The following SLCO6A1 variants were observed in gnomAD, a reference collection of about 807,000 sequenced individuals.
SLCO6A1 encodes cancer/testis antigen 48.
Under a neutral mutation model 72.7 loss-of-function variants are expected in SLCO6A1, and 65 were observed. The observed-to-expected ratio is 0.89, with a 90% CI of 0.73 to 1.10. SLCO6A1 has a LOEUF of 1.10. SLCO6A1 is among the 50% of genes least tolerant of loss of function. SLCO6A1 has a pLI of 0.00. For synonymous variants in SLCO6A1, 314 were observed against 298.2 expected, an observed-to-expected ratio of 1.05 and a Z score of -0.55; for missense variants, 874 against 872.6, an observed-to-expected ratio of 1.00 and a Z score of -0.02.
intron 1 of SLCO6A1, among the ~76,000 whole-genome samples, chr5:102,497,375 G>A (rs1288106687): frequency 6.6e-6 from 1 of 152,140 alleles, no homozygotes; most frequent in Non-Finnish European, 1.5e-5. Flanking sequence ...CATAGACACC[G>A]TTTTCAACTT....
At chr5:102,438,816 A>G in intron 6 of SLCO6A1, 55 bp from the exon 7 acceptor site, 15 of 1,299,118 alleles carry the variant, frequency 1.2e-5, no homozygotes, top group Non-Finnish European at 1.5e-5. Context: ...ATAAAGAGGA[A>G]TAGACAGAAC....
chr5:102,490,917 G>A (rs1752645593), intron 1 of SLCO6A1, among the ~76,000 whole-genome samples: 1 of 152,082 alleles, frequency 6.6e-6, no homozygotes, highest in Non-Finnish European at 1.5e-5. Flanking sequence ...GCGGACTCAG[G>A]GGGTTGCCAC....
At position 102,463,975 on chromosome 5, in the gene SLCO6A1, T is replaced by A. The variant is rs7715038; in HGVS notation, c.900-4198A>T. ...AACTGCGCATGTTCTCACTCATTAG[T>A]GGGAGCTAAGCTATGAGCATGTAAA... On this transcript the variant is annotated intron_variant, in intron 4 of 13. Coordinates refer to ENST00000506729, the MANE Select transcript of SLCO6A1 (RefSeq NM_173488.5). 3.1e-3 allele frequency among the ~76,000 whole-genome samples: 465 copies of A among 151,048 alleles called. 3 individuals carry two copies. Among genetic ancestry groups the A allele is most frequent in the African/African-American group, 0.011 (450 of 41,140 alleles).
rs1364638937 is a variant in SLCO6A1 at position 102,372,075 on chromosome 5, T to C, written c.*64A>G. 1.3e-5 allele frequency: 2 copies of C among 152,040 alleles called. No individual in the cohort carries two copies. Among genetic ancestry groups the C allele is most frequent in the East Asian group, 3.8e-4 (2 of 5,204 alleles). The allele number at this position is 152,040 out of a possible 1,614,324, so 9.4% of individuals were successfully genotyped here. A position where few individuals can be genotyped will look rare whatever the true frequency, so the allele number is the denominator to read the frequency against. Reference sequence around the variant, plus strand: ...ACAGAAACAAATCTTGGAGAATCTGTAAAAGAGAAACTCGTTTTCACACTC... The same window carrying C: ...ACAGAAACAAATCTTGGAGAATCTGCAAAAGAGAAACTCGTTTTCACACTC... On this transcript the variant is annotated 3_prime_UTR_variant, in exon 14 of 14. Coordinates refer to ENST00000506729, the MANE Select transcript of SLCO6A1 (RefSeq NM_173488.5).
chr5:102,436,722 C>T (rs865936369), intron 7 of SLCO6A1, among the ~76,000 whole-genome samples: 12 of 152,124 alleles, frequency 7.9e-5, no homozygotes, highest in Non-Finnish European at 4.4e-5. Flanking sequence ...TTCAGAAACA[C>T]CTGCTGTTGT....
intron 12 of SLCO6A1, among the ~76,000 whole-genome samples, chr5:102,385,476 A>C (rs1746361619): frequency 6.6e-6 from 1 of 152,096 alleles, no homozygotes; most frequent in African/African-American, 2.4e-5. Flanking sequence ...TAATTCCAAT[A>C]GGCTTTCTTC....
intron 4 of SLCO6A1, among the ~76,000 whole-genome samples, chr5:102,464,775 G>T (rs887817779): frequency 6.6e-6 from 1 of 152,176 alleles, no homozygotes; most frequent in East Asian, 1.9e-4. Context: ...CCAGATTTAA[G>T]TTTCCTGATG....
At chr5:102,452,736 A>T (rs1750486718) in intron 6 of SLCO6A1, among the ~76,000 whole-genome samples, 3 of 152,188 alleles carry the variant, frequency 2.0e-5, no homozygotes, top group African/African-American at 7.2e-5. Context: ...TCACTTTATA[A>T]AAATTCATTA....
At chr5:102,484,300 G>A (rs938658751) in intron 1 of SLCO6A1, among the ~76,000 whole-genome samples, 5 of 152,144 alleles carry the variant, frequency 3.3e-5, no homozygotes, top group African/African-American at 1.2e-4. Context: ...GGGTTCGTTA[G>A]TTTGTTTTGT....
intron 6 of SLCO6A1, among the ~76,000 whole-genome samples, chr5:102,452,271 A>C (rs1304950389): frequency 1.3e-5 from 2 of 152,244 alleles, no homozygotes; most frequent in Non-Finnish European, 2.9e-5. Context: ...CTTTTCCTCT[A>C]TAAAATATTA....
At chr5:102,449,906 CT>C (rs1200534069) in intron 6 of SLCO6A1, among the ~76,000 whole-genome samples, 1 of 152,142 alleles carries the variant, frequency 6.6e-6, no homozygotes. Context: ...TCTTCAAGCT[CT>C]GAGATTCTTT....
Position 102,373,459 on chromosome 5 carries a change from T to C in SLCO6A1, c.2053A>G (p.Thr685Ala). Residue 685 changes from threonine (T) to alanine (A), a missense_variant, in exon 13 of 14, where the codon ACT (threonine) becomes GCT (alanine). Transcript: ENST00000506729. ...CGTTTGTATATGAAAAATGCAATAG[T>C]AGTGAAGATGATAGTGCATAGTTTG... Reference protein sequence around the residue: ...LCKLCTIIFTTIAFFIYKRRL... With the variant: ...LCKLCTIIFTAIAFFIYKRRL... The C allele has an allele frequency of 9.6e-6, 15 of 1,565,742 alleles. No homozygotes were observed. Among genetic ancestry groups the C allele is most frequent in the Non-Finnish European group, 1.3e-5 (15 of 1,157,878 alleles).
intron 4 of SLCO6A1, among the ~76,000 whole-genome samples, chr5:102,464,291 T>A (rs1188713927): frequency 6.6e-6 from 1 of 152,180 alleles, no homozygotes; most frequent in Non-Finnish European, 1.5e-5. Flanking sequence ...AAAGTTTCTA[T>A]AATATACCAT....
chr5:102,382,370 T>G (rs1332998469), intron 12 of SLCO6A1, among the ~76,000 whole-genome samples: 1 of 151,978 alleles, frequency 6.6e-6, no homozygotes, highest in East Asian at 1.9e-4. Context: ...ACCATGCTGT[T>G]TTGGTTACTA....
intron 12 of SLCO6A1, among the ~76,000 whole-genome samples, chr5:102,380,059 T>G (rs1469242816): frequency 6.6e-6 from 1 of 152,016 alleles, no homozygotes; most frequent in East Asian, 1.9e-4. Context: ...GGTACAATGA[T>G]TATATATTTA....
At chr5:102,477,581 G>A (rs1751967950) in intron 3 of SLCO6A1, 95 bp downstream of exon 3, 2 of 931,442 alleles carry the variant, frequency 2.1e-6, no homozygotes, top group African/African-American at 1.7e-5. Flanking sequence ...GTTATCATAA[G>A]GGCCAATAGT....
At chr5:102,383,050 T>A (rs1254172781) in intron 12 of SLCO6A1, among the ~76,000 whole-genome samples, 1 of 144,272 alleles carries the variant, frequency 6.9e-6, no homozygotes, top group Non-Finnish European at 1.5e-5. Context: ...TGTATATATA[T>A]GACACTCTAC....
In SLCO6A1 at chr5:102,388,688, A is replaced by T. The variant is rs1406327471; in HGVS notation, c.2017T>A (p.Cys673Ser). Residue 673 changes from cysteine to serine, a missense_variant and splice_region_variant, in exon 12 of 14, where the codon TGT becomes AGT. Cys to Ser is a moderately radical substitution (Grantham distance 112). Transcript: ENST00000506729. ...TKMAFLLVGICFLCKLCTIIF... is the reference protein window; with the variant it reads ...TKMAFLLVGISFLCKLCTIIF... The stretch of plus-strand genomic sequence containing the variant: ...AAGTTTTTTAATAAGTATCACTTAC[A>T]TATTCCTACCAATAAGAAAGCCATT... The T allele has an allele frequency of 6.4e-7, 1 of 1,565,140 alleles. No homozygotes were observed. Among genetic ancestry groups the T allele is most frequent in the African/African-American group, 1.4e-5 (1 of 72,626 alleles).
chr5:102,491,687 G>A (rs776864144), intron 1 of SLCO6A1, among the ~76,000 whole-genome samples: 12 of 152,366 alleles, frequency 7.9e-5, no homozygotes, highest in African/African-American at 1.4e-4. Flanking sequence ...GTGCTGGCCC[G>A]CAAGCGCGGT....
Sources: gnomAD v4.1 joint callset for allele counts (sites outside exome capture counted in the v4.1 genomes callset) on GRCh38, gnomAD v4.1.1 for gene constraint, MANE v1.5 for transcripts, NCBI Gene and HGNC (gene_info 2026-07-23, HGNC 2026-07-21) for gene names.